Variants in RAB27A observed in about 807,000 individuals in gnomAD.
RAB27A encodes RAB27A, member RAS oncogene family, also known as ras-related protein Rab-27A.
Under a neutral mutation model 20.8 loss-of-function variants are expected in RAB27A, and 17 were observed. The observed-to-expected ratio is 0.82, with a 90% confidence interval of 0.56 to 1.23. The LOEUF is 1.23. RAB27A is among the 50% of genes most tolerant of loss of function. RAB27A has a pLI of 0.00. For synonymous variants in RAB27A, 85 were observed against 92.8 expected, an observed-to-expected ratio of 0.92 and a Z score of 0.48; for missense variants, 277 against 266.7, an observed-to-expected ratio of 1.04 and a Z score of -0.27.
At chr15:55,261,024 G>C (rs781747500) in intron 2 of RAB27A, among the ~76,000 whole-genome samples, 49 of 151,574 alleles carry the variant, frequency 3.2e-4, no homozygotes, top group Non-Finnish European at 5.3e-4. Context: ...ATGCATGTTG[G>C]GGGGTTTGGG....
rs1894494263 is a variant in RAB27A, at chr15:55,203,524, C to T, written c.*1983G>A. On this transcript the variant is annotated 3_prime_UTR_variant, in exon 7 of 7. Coordinates refer to ENST00000336787, the MANE Select transcript of RAB27A (RefSeq NM_183235.3). ...CCGCCTCCCAGGTTCACGCCATTCT[C>T]CTGCCTCAGCCTCCTGAGTAGCTGG... 6.6e-6 allele frequency: 1 copy of T among 150,698 alleles called. No homozygotes were observed. Among genetic ancestry groups the T allele is most frequent in the Non-Finnish European group, 1.5e-5 (1 of 67,788 alleles). The allele number at this position is 150,698 out of a possible 1,614,324, so 9.3% of individuals were successfully genotyped here. A position where few individuals can be genotyped will look rare whatever the true frequency, so the allele number is the denominator to read the frequency against.
intron 2 of RAB27A, among the ~76,000 whole-genome samples, chr15:55,237,134 C>T (rs778805906): frequency 2.0e-5 from 3 of 152,172 alleles, no homozygotes; most frequent in Non-Finnish European, 4.4e-5. Context: ...ACATTGGATG[C>T]TACTGACTCC....
intron 2 of RAB27A, among the ~76,000 whole-genome samples, chr15:55,253,310 G>C: frequency 6.6e-6 from 1 of 151,816 alleles, no homozygotes; most frequent in African/African-American, 2.4e-5. Context: ...AGCCGGGCAC[G>C]GTGGCGGGTG....
At chr15:55,243,947 AT>A (rs1896590537) in intron 2 of RAB27A, among the ~76,000 whole-genome samples, 2 of 152,310 alleles carry the variant, frequency 1.3e-5, no homozygotes, top group Non-Finnish European at 2.9e-5. Context: ...ATCAAAATTC[AT>A]ATCCTAAGTC....
intron 1 of RAB27A, among the ~76,000 whole-genome samples, chr15:55,280,072 A>G (rs1897974852): frequency 6.6e-6 from 1 of 152,208 alleles, no homozygotes; most frequent in African/African-American, 2.4e-5. Flanking sequence ...CTAATCTGAC[A>G]CTTTGCAATA....
At chr15:55,227,193 T>G (rs567341545) in intron 5 of RAB27A, among the ~76,000 whole-genome samples, 1 of 152,358 alleles carries the variant, frequency 6.6e-6, no homozygotes, top group South Asian at 2.1e-4. Context: ...TTGTTCTTTA[T>G]CCAACTAGTT....
At chr15:55,267,259 A>C (rs1423105948) in intron 2 of RAB27A, among the ~76,000 whole-genome samples, 1 of 152,226 alleles carries the variant, frequency 6.6e-6, no homozygotes, top group Non-Finnish European at 1.5e-5. Context: ...CTATGTCATC[A>C]AGAAAGGAGG....
intron 2 of RAB27A, among the ~76,000 whole-genome samples, chr15:55,302,602 C>T (rs1466905494): frequency 7.4e-6 from 1 of 135,410 alleles, no homozygotes; most frequent in Non-Finnish European, 1.6e-5. Context: ...CGTCTCCGCC[C>T]GGCCACCATC....
chr15:55,251,669 T>A (rs1595717029), intron 2 of RAB27A, among the ~76,000 whole-genome samples: 1 of 152,206 alleles, frequency 6.6e-6, no homozygotes, highest in East Asian at 1.9e-4. Flanking sequence ...TGAGAATATA[T>A]TATTTTGTGC....
At chr15:55,263,081 C>A (rs149333216) in intron 2 of RAB27A, among the ~76,000 whole-genome samples, 2 of 151,898 alleles carry the variant, frequency 1.3e-5, no homozygotes, top group African/African-American at 4.8e-5. Flanking sequence ...ATATTTATTC[C>A]GCCTTTGATA....
chr15:55,263,091 ATT>A (rs1897334933), intron 2 of RAB27A, among the ~76,000 whole-genome samples: 1 of 151,770 alleles, frequency 6.6e-6, no homozygotes, highest in Non-Finnish European at 1.5e-5. Flanking sequence ...CGCCTTTGAT[ATT>A]TTTCTTTCCT....
chr15:55,252,216 G>A (rs189003055), intron 2 of RAB27A, among the ~76,000 whole-genome samples: 18 of 152,308 alleles, frequency 1.2e-4, no homozygotes, highest in Non-Finnish European at 2.4e-4. Context: ...AAGACCGGGG[G>A]AGGGTGGTGA....
At chr15:55,299,859 C>G (rs566101399) in intron 2 of RAB27A, among the ~76,000 whole-genome samples, 1 of 147,948 alleles carries the variant, frequency 6.8e-6, no homozygotes, top group South Asian at 2.2e-4. Flanking sequence ...CTCACTCTGT[C>G]ACCCAGGCTG....
At chr15:55,208,531 C>A (rs564403700) in intron 6 of RAB27A, among the ~76,000 whole-genome samples, 3 of 152,342 alleles carry the variant, frequency 2.0e-5, no homozygotes, top group Admixed American at 6.5e-5. Context: ...TCTCCACAAT[C>A]TGACTCCCTT....
At chr15:55,307,362 T>G (rs887230200) in intron 2 of RAB27A, among the ~76,000 whole-genome samples, 9 of 152,028 alleles carry the variant, frequency 5.9e-5, no homozygotes, top group Non-Finnish European at 8.8e-5. Context: ...TTTTGGATTC[T>G]TAGTAAGGCT....
intron 6 of RAB27A, among the ~76,000 whole-genome samples, chr15:55,209,878 G>GTGTATATACATATATACATATA (rs1894868686): frequency 4.2e-4 from 2 of 4,708 alleles, no homozygotes; most frequent in East Asian, 0.091. Context: ...ATACATATAT[G>GTGTATATACATATATACATATA]TGTGTGTATA....
At chr15:55,317,763 C>T (rs1252252157) in intron 1 of RAB27A, 1 of 398,400 alleles carries the variant, frequency 2.5e-6, no homozygotes, top group Admixed American at 4.4e-5. Flanking sequence ...TGGCAAAAAG[C>T]AGTTGTGCAA....
chr15:55,308,270 TG>T (rs1251226044), intron 2 of RAB27A, among the ~76,000 whole-genome samples: 1 of 152,238 alleles, frequency 6.6e-6, no homozygotes, highest in Non-Finnish European at 1.5e-5. Flanking sequence ...AATCTCCTAA[TG>T]GCTTCCTGAT....
rs186073380 is a variant in RAB27A, at chr15:55,204,374, C to A, written c.*1133G>T. ...TGAGCTCTATGAAAAATATAGGCTACAGAATACTTCATTTTTCTTTTATTG... is the reference window on the plus strand; with the variant it reads ...TGAGCTCTATGAAAAATATAGGCTAAAGAATACTTCATTTTTCTTTTATTG... On this transcript the variant is annotated 3_prime_UTR_variant, in exon 7 of 7. Transcript: ENST00000336787. 6.6e-6 allele frequency: 1 copy of A among 152,320 alleles called. No individual in the cohort carries two copies. Among genetic ancestry groups the A allele is most frequent in the Admixed American group, 6.5e-5 (1 of 15,304 alleles). The allele number at this position is 152,320 out of a possible 1,614,324, so 9.4% of individuals were successfully genotyped here.
Sources: gnomAD v4.1 joint callset for allele counts (sites outside exome capture counted in the v4.1 genomes callset) on GRCh38, gnomAD v4.1.1 for gene constraint, MANE v1.5 for transcripts, NCBI Gene and HGNC (gene_info 2026-07-23, HGNC 2026-07-21) for gene names.